Variants in C3orf52 observed in about 807,000 individuals in gnomAD.
C3orf52 encodes chromosome 3 open reading frame 52, also known as TPA-induced transmembrane protein.
In C3orf52, 22 loss-of-function variants were observed where a neutral mutation model predicts 24.8. The observed-to-expected ratio is 0.89, with a 90% CI of 0.63 to 1.27. The LOEUF is 1.27. Ranked by LOEUF, C3orf52 falls within the 50% of genes most tolerant of loss-of-function variation. C3orf52 has a pLI of 0.00. For synonymous variants in C3orf52, 93 were observed against 100.2 expected (o/e 0.93, Z 0.43); for missense variants, 265 against 260.7 (o/e 1.02, Z -0.11).
At chr3:112,100,310 G>C (rs1367374132) in intron 2 of C3orf52, among the ~76,000 whole-genome samples, 1 of 152,040 alleles carries the variant, frequency 6.6e-6, no homozygotes, top group Non-Finnish European at 1.5e-5. Context: ...CCAAAGAACT[G>C]TTTTCATGTT....
chr3:112,097,500 A>G (rs1293638263), intron 2 of C3orf52, among the ~76,000 whole-genome samples: 1 of 152,154 alleles, frequency 6.6e-6, no homozygotes, highest in Non-Finnish European at 1.5e-5. Flanking sequence ...TTCCTAAGTG[A>G]CGTTGTGTTG....
Position 112,128,118 on chromosome 3 carries a change from G to A in C3orf52, c.*47-115G>A, listed in dbSNP as rs2074370808. On this transcript the variant is annotated intron_variant, in intron 4 of 4. Coordinates refer to the C3orf52 transcript ENST00000480282. ...AGGTTGATTTCTGCAGCTTTGTTAAGGTGACTCCTTTCCTTTTGCCATTTC... is the reference window on the plus strand; with the variant it reads ...AGGTTGATTTCTGCAGCTTTGTTAAAGTGACTCCTTTCCTTTTGCCATTTC... 2.7e-6 allele frequency: 4 copies of A among 1,499,342 alleles called. No individual in the cohort carries two copies. In the South Asian group the frequency reaches 4.5e-5, roughly 17 times the overall value. 92.9% of individuals were successfully genotyped at this position (1,499,342 alleles called of 1,614,324 possible). A position where few individuals can be genotyped will look rare whatever the true frequency, so the allele number is the denominator to read the frequency against.
chr3:112,100,676 C>T (rs562787788), intron 2 of C3orf52, among the ~76,000 whole-genome samples: 1 of 152,218 alleles, frequency 6.6e-6, no homozygotes, highest in Non-Finnish European at 1.5e-5. Flanking sequence ...TGGAAATCTA[C>T]ATGGTGGGTA....
At chr3:112,125,247 T>A in intron 4 of C3orf52, 1 of 1,579,918 alleles carries the variant, frequency 6.3e-7, no homozygotes, top group Non-Finnish European at 8.7e-7. Flanking sequence ...TAGATGACAT[T>A]CTTTCATCTG....
intron 1 of C3orf52, among the ~76,000 whole-genome samples, chr3:112,087,597 T>C (rs1046372168): frequency 4.6e-5 from 7 of 152,240 alleles, no homozygotes; most frequent in African/African-American, 1.7e-4. Flanking sequence ...TTGTTCTACA[T>C]TGATTCCTGG....
intron 4 of C3orf52, among the ~76,000 whole-genome samples, chr3:112,110,812 G>A (rs533511203): frequency 6.6e-6 from 1 of 152,292 alleles, no homozygotes; most frequent in Non-Finnish European, 1.5e-5. Flanking sequence ...ACCTGGGAGG[G>A]GAGGCACATA....
intron 5 of C3orf52, 46 bp from the exon 6 acceptor site, chr3:112,116,596 G>A (rs1287173668): frequency 8.3e-6 from 12 of 1,453,666 alleles, no homozygotes; most frequent in Non-Finnish European, 1.1e-5. Flanking sequence ...ATTTAATAGT[G>A]GTTTTAAAAA....
At position 112,117,230 on chromosome 3, in the gene C3orf52, C is replaced by T; in HGVS notation, c.*584C>T. 1 of 497,564 alleles carries T rather than the reference C, an allele frequency of 2.0e-6. No individual in the cohort carries two copies. The highest frequency in any genetic ancestry group is 3.0e-5 in the East Asian group (1 of 33,112). The allele number at this position is 497,564 out of a possible 1,614,324, so 30.8% of individuals were successfully genotyped here. A position where few individuals can be genotyped will look rare whatever the true frequency, so the allele number is the denominator to read the frequency against. On this transcript the variant is annotated 3_prime_UTR_variant, in exon 6 of 6. Transcript: ENST00000264848. ...CGATTTGATCTACCTCTAAGCCAGG[C>T]TGTGAAGAAAAGGAAGGCACTTTAG...
chr3:112,110,943 G>A (rs1272599028), intron 4 of C3orf52, among the ~76,000 whole-genome samples: 1 of 152,176 alleles, frequency 6.6e-6, no homozygotes, highest in East Asian at 1.9e-4. Context: ...GGGCATGGTG[G>A]CTTACACCTG....
chr3:112,089,355 G>A (rs2073857483), intron 1 of C3orf52, among the ~76,000 whole-genome samples: 1 of 150,902 alleles, frequency 6.6e-6, no homozygotes, highest in African/African-American at 2.5e-5. Context: ...GAGAAACCCC[G>A]TCTCTACTAA....
At chr3:112,130,660 T>G (rs1011333593), downstream of C3orf52, 5 of 712,384 alleles carry the variant, frequency 7.0e-6, no homozygotes, top group African/African-American at 8.6e-5. Context: ...TAATACTGTT[T>G]CCTCAAGCAC....
chr3:112,119,490 C>T, downstream of C3orf52: 1 of 702,952 alleles, frequency 1.4e-6, no homozygotes, highest in South Asian at 1.5e-5. Flanking sequence ...GAAGCCGAAT[C>T]CTGAAGCACT....
chr3:112,119,574 C>G, downstream of C3orf52: 1 of 701,290 alleles, frequency 1.4e-6, no homozygotes, highest in Admixed American at 2.0e-5. Context: ...TACATATTCT[C>G]TCTTTTGTCT....
chr3:112,087,213 T>C (rs1025401728), intron 1 of C3orf52, among the ~76,000 whole-genome samples: 34 of 152,172 alleles, frequency 2.2e-4, no homozygotes, highest in African/African-American at 5.6e-4. Context: ...CCCTGCTCAA[T>C]TGAAAGAAAA....
At chr3:112,088,984 G>A (rs528538106) in intron 1 of C3orf52, among the ~76,000 whole-genome samples, 1 of 152,268 alleles carries the variant, frequency 6.6e-6, no homozygotes, top group East Asian at 1.9e-4. Flanking sequence ...TTCTTGATGT[G>A]TGCTTGGCAC....
chr3:112,122,209 G>A (rs2074214052), downstream of C3orf52: 1 of 152,022 alleles, frequency 6.6e-6, no homozygotes, highest in Non-Finnish European at 1.5e-5. Flanking sequence ...AATCATTTAG[G>A]GCAGGTGTCT....
chr3:112,123,963 T>C (rs1182828915), intron 4 of C3orf52, among the ~76,000 whole-genome samples: 19 of 152,084 alleles, frequency 1.2e-4, no homozygotes, highest in Admixed American at 1.2e-3. Flanking sequence ...GTGCTTAAGG[T>C]CTAGAGCCTG....
chr3:112,106,823 A>G (rs534409959), intron 3 of C3orf52, among the ~76,000 whole-genome samples: 1 of 152,092 alleles, frequency 6.6e-6, no homozygotes, highest in Non-Finnish European at 1.5e-5. Context: ...CACCCTGTGC[A>G]TGGGTTAGGA....
At chr3:112,086,678 C>G in intron 1 of C3orf52, 133 bp downstream of exon 1, 1 of 1,172,224 alleles carries the variant, frequency 8.5e-7, no homozygotes, top group Non-Finnish European at 1.2e-6. Context: ...GGGGCGCGCT[C>G]GAGTGCTCTG....
Sources: allele counts gnomAD v4.1 joint callset (sites outside exome capture counted in the v4.1 genomes callset), GRCh38; gene constraint gnomAD v4.1.1; transcripts MANE v1.5; gene names NCBI Gene and HGNC (gene_info 2026-07-23, HGNC 2026-07-21).